ASPM: variants seen among roughly 807,000 people sequenced by gnomAD.
ASPM encodes the protein abnormal spindle-like microcephaly-associated protein.
In ASPM, 256 loss-of-function variants were observed where a neutral mutation model predicts 366.4. The observed-to-expected ratio is 0.70, with a 90% confidence interval of 0.63 to 0.77. The LOEUF (loss-of-function observed/expected upper bound fraction) is 0.77. Among genes scored for constraint, ASPM ranks in the 30% least tolerant of loss-of-function variants. The pLI, the probability that ASPM is intolerant of heterozygous loss-of-function variation, is 0.00. For missense variants in ASPM, 4,146 were observed against 4,090.4 expected (o/e 1.01, Z -0.37); for synonymous variants, 1,414 against 1,342.9 (o/e 1.05, Z -1.16).
In ASPM at chr1:197,142,736, T is replaced by C. The variant is rs752816825; in HGVS notation, c.1516A>G (p.Arg506Gly). ...TTATTAATCTCAGTTTGGTTTTCTC[T>C]GGTACAGGTGGCCTTCCTTTTAGTA... Reference protein sequence around the residue: ...TVTKRKATCTRENQTEINKPK... With the variant: ...TVTKRKATCTGENQTEINKPK... The change falls in exon 3 of 28, where the codon AGA (arginine) becomes GGA (glycine). Residue 506 changes from arginine (R) to glycine (G), a missense_variant. Transcript: ENST00000367409. 3 of 1,614,028 alleles carry C rather than the reference T, an allele frequency of 1.9e-6. No homozygotes were observed. The Admixed American group carries it at 5.0e-5, about 27-fold the overall frequency.
chr1:197,109,172 G>C (rs1657506029), intron 17 of ASPM, among the ~76,000 whole-genome samples: 1 of 143,074 alleles, frequency 7.0e-6, no homozygotes, highest in African/African-American at 2.5e-5. Flanking sequence ...TATCACTGGT[G>C]AGTTGTATAA....
At chr1:197,111,184 A>G (rs1337998317) in intron 17 of ASPM, among the ~76,000 whole-genome samples, 2 of 152,160 alleles carry the variant, frequency 1.3e-5, no homozygotes, top group Non-Finnish European at 2.9e-5. Context: ...TTTGCAAACA[A>G]TGTATCTAAC....
chr1:197,105,261 T>C, intron 17 of ASPM, 76 bp from the exon 18 acceptor site: 1 of 1,121,332 alleles, frequency 8.9e-7, no homozygotes, highest in Non-Finnish European at 1.3e-6. Context: ...AATACTAATT[T>C]TTCTAACATT....
rs1557953805 is a variant in ASPM at position 197,117,990 on chromosome 1, T to C, written c.3871-7A>G. On this transcript the variant is annotated splice_region_variant and splice_polypyrimidine_tract_variant and intron_variant, in intron 16 of 27. Transcript: ENST00000367409. ...TTGCAGCTTTCTCTCTCTCCTAAAA[T>C]AAAAAAGTCAGCAAATGTAAATTAA... 1.2e-6 allele frequency: 2 copies of C among 1,611,248 alleles called. No individual in the cohort carries two copies. Among genetic ancestry groups the C allele is most frequent in the Non-Finnish European group, 1.7e-6 (2 of 1,177,904 alleles).
At chr1:197,139,310 T>C (rs1658511865) in intron 4 of ASPM, 2 of 811,680 alleles carry the variant, frequency 2.5e-6, no homozygotes, top group African/African-American at 1.8e-5. Flanking sequence ...ACAGCCCATG[T>C]TTTTGGCCGG....
chr1:197,101,708 G>T lies in ASPM; in HGVS notation c.7543C>A (p.Arg2515=). ...HASILIQQHY[R]TYRAAKLQRE... is the part of the protein sequence containing the mutation. Reference sequence around the variant, plus strand: ...TGTAATTTTGCAGCTCTATATGTTCGATAATGTTGCTGAATTAGAATTGAA... The same window carrying T: ...TGTAATTTTGCAGCTCTATATGTTCTATAATGTTGCTGAATTAGAATTGAA... Residue 2515 remains arginine (R), a synonymous_variant, in exon 18 of 28, where the codon CGA becomes AGA. Transcript: ENST00000367409. 6.2e-7 allele frequency: 1 copy of T among 1,611,976 alleles called. No homozygotes were observed. Among genetic ancestry groups the T allele is most frequent in the Non-Finnish European group, 8.5e-7 (1 of 1,178,916 alleles).
intron 9 of ASPM, 99 bp downstream of exon 9, chr1:197,129,088 G>A: frequency 2.1e-6 from 3 of 1,422,756 alleles, no homozygotes; most frequent in Non-Finnish European, 2.9e-6. Context: ...TTATTCTTTG[G>A]AAAACTAATT....
At chr1:197,132,672 G>A (rs1658298314) in intron 6 of ASPM, among the ~76,000 whole-genome samples, 1 of 151,622 alleles carries the variant, frequency 6.6e-6, no homozygotes, top group Admixed American at 6.6e-5. Context: ...ATCAATCTAA[G>A]TGTCCATTAG....
intron 20 of ASPM, 143 bp downstream of exon 20, chr1:197,093,941 G>A (rs1361856626): frequency 3.4e-6 from 2 of 589,518 alleles, no homozygotes; most frequent in Non-Finnish European, 6.1e-6. Context: ...ATAGATGTGT[G>A]TGAAATAAAT....
intron 4 of ASPM, among the ~76,000 whole-genome samples, chr1:197,137,732 T>A (rs1658463955): frequency 6.6e-6 from 1 of 152,192 alleles, no homozygotes; most frequent in African/African-American, 2.4e-5. Context: ...CCGCCCACTT[T>A]GGCCTCCCAA....
chr1:197,120,968 A>C (rs1004729666), intron 16 of ASPM, among the ~76,000 whole-genome samples: 2 of 152,176 alleles, frequency 1.3e-5, no homozygotes, highest in African/African-American at 4.8e-5. Flanking sequence ...AAATGAAAAA[A>C]CACATATTGT....
chr1:197,098,635 T>C (rs1168871944), intron 18 of ASPM, among the ~76,000 whole-genome samples: 2 of 151,684 alleles, frequency 1.3e-5, no homozygotes, highest in African/African-American at 2.4e-5. Context: ...TCTTAACACC[T>C]TGGTTTCTTG....
At position 197,126,055 on chromosome 1, in the gene ASPM, T is replaced by C. The variant is rs187869282; in HGVS notation, c.2937-864A>G. On this transcript the variant is annotated intron_variant, in intron 10 of 27. Transcript: ENST00000367409. Reference sequence around the variant, plus strand: ...AAAACAGAAATTTGGTTATACAAGATTGATCTCTTAACTACTTAGAATTCC... The same window carrying C: ...AAAACAGAAATTTGGTTATACAAGACTGATCTCTTAACTACTTAGAATTCC... 2.6e-4 allele frequency among the ~76,000 whole-genome samples: 40 copies of C among 152,308 alleles called. 1 individual carries two copies. The highest frequency in any genetic ancestry group is 2.2e-3 in the Admixed American group (34 of 15,294).
At position 197,122,244 on chromosome 1, in the gene ASPM, A is replaced by T. The variant is rs750399442; in HGVS notation, c.3656T>A (p.Leu1219Ter). ...AAGGTCTCTAACTGCAGACCTAACC[A>T]AGTGAAAATTTTTCTTTTCATTTTC... ...LLENEKKNFH[L>*]VRSAVRDLGG... The change falls in exon 15 of 28, where the codon TTG (leucine) becomes TAG (stop). Residue 1219 changes from leucine (L) to a stop codon, truncating the protein, a stop_gained. Transcript: ENST00000367409. LOFTEE classifies it high-confidence loss of function. 1 of 1,612,990 alleles carries T rather than the reference A, an allele frequency of 6.2e-7. No individual in the cohort carries two copies. The highest frequency in any genetic ancestry group is 1.1e-5 in the South Asian group (1 of 91,048).
At chr1:197,115,684 C>T (rs1243675892) in intron 17 of ASPM, among the ~76,000 whole-genome samples, 1 of 152,142 alleles carries the variant, frequency 6.6e-6, no homozygotes, top group Non-Finnish European at 1.5e-5. Context: ...TGTCCATGAC[C>T]AGGAGTACTG....
chr1:197,091,133 T>C (rs1244498350), intron 22 of ASPM, 92 bp from the exon 23 acceptor site: 10 of 1,071,148 alleles, frequency 9.3e-6, no homozygotes, highest in African/African-American at 8.0e-5. Context: ...ATGAAAGAAA[T>C]AGAACAGTAT....
intron 25 of ASPM, among the ~76,000 whole-genome samples, 179 bp from the exon 26 acceptor site, chr1:197,088,611 T>A (rs1656674216): frequency 6.6e-6 from 1 of 152,120 alleles, no homozygotes; most frequent in South Asian, 2.1e-4. Context: ...TACGGATCTA[T>A]CATATATGTG....
chr1:197,143,380 C>T lies in ASPM; in HGVS notation c.872G>A (p.Gly291Glu). 1 of 1,613,852 alleles carries T rather than the reference C, an allele frequency of 6.2e-7. No homozygotes were observed. Among genetic ancestry groups the T allele is most frequent in the Non-Finnish European group, 8.5e-7 (1 of 1,179,746 alleles). The change falls in exon 3 of 28, where the codon GGA becomes GAA. Residue 291 changes from glycine to glutamate, a missense_variant. Physicochemically the swap from Gly to Glu is moderately conservative, Grantham distance 98. Around this residue, in one of 3 missense-constraint regions of ASPM, gnomAD observed 512 missense variants for 471.7 expected, o/e 1.09. Transcript: ENST00000367409. ...GGTAAGACTAAGTTTACTATTCTCT[C>T]CTCTTTGGCCATTAACATTTACGGA... ...FNSVNVNGQR[G>E]ENSKLSLTPN...
chr1:197,132,265 A>C lies in ASPM; in HGVS notation c.2487+20T>G, dbSNP rs1658278479. On this transcript the variant is annotated intron_variant, in intron 7 of 27. Transcript: ENST00000367409. ...TATAATAAAAAAATATTATTTTAGA[A>C]ACCTGAAATATATGCTTACCTCTAG... The C allele has an allele frequency of 6.4e-7, 1 of 1,564,826 alleles. No individual in the cohort carries two copies. The highest frequency in any genetic ancestry group is 8.7e-7 in the Non-Finnish European group (1 of 1,148,842).
Sources: gnomAD v4.1 joint callset for allele counts (sites outside exome capture counted in the v4.1 genomes callset) on GRCh38, gnomAD v4.1.1 for gene constraint, gnomAD v4.1.1 regional missense constraint, MANE v1.5 for transcripts, NCBI Gene and HGNC (gene_info 2026-07-23, HGNC 2026-07-21) for gene names.